Variants in TANGO6 observed in about 807,000 individuals in gnomAD.
TANGO6 encodes transport and Golgi organization protein 6 homolog.
In TANGO6, 90 loss-of-function variants were observed where a neutral mutation model predicts 114.2. The observed-to-expected ratio is 0.79, with a 90% CI of 0.66 to 0.94. The LOEUF (loss-of-function observed/expected upper bound fraction) is 0.94. Ranked by LOEUF, TANGO6 falls within the 40% of genes least tolerant of loss-of-function variation. The pLI, the probability that TANGO6 is intolerant of heterozygous loss-of-function variation, is 0.00. For synonymous variants in TANGO6, 477 were observed against 509.8 expected, an observed-to-expected ratio of 0.94 and a Z score of 0.87; for missense variants, 1,274 against 1,315.3, an observed-to-expected ratio of 0.97 and a Z score of 0.49.
At chr16:68,913,802 C>G (rs1042944208) in intron 11 of TANGO6, among the ~76,000 whole-genome samples, 1 of 152,000 alleles carries the variant, frequency 6.6e-6, no homozygotes, top group Non-Finnish European at 1.5e-5. Context: ...CAGATAAGCT[C>G]TAAAAATGGA....
At chr16:69,023,531 C>T (rs1170627720) in intron 16 of TANGO6, among the ~76,000 whole-genome samples, 1 of 152,032 alleles carries the variant, frequency 6.6e-6, no homozygotes, top group East Asian at 1.9e-4. Context: ...CTTAACCTAC[C>T]TTAAGCAATA....
chr16:69,008,733 C>G (rs939728255), intron 15 of TANGO6, among the ~76,000 whole-genome samples: 2 of 151,974 alleles, frequency 1.3e-5, no homozygotes, highest in African/African-American at 4.8e-5. Flanking sequence ...ACCTCTGCCT[C>G]CCAGGCTCAA....
At chr16:68,854,994 A>G (rs1486697052) in intron 1 of TANGO6, among the ~76,000 whole-genome samples, 2 of 149,786 alleles carry the variant, frequency 1.3e-5, no homozygotes. Flanking sequence ...TTTGTGGACA[A>G]TTGCCATCTT....
intron 17 of TANGO6, among the ~76,000 whole-genome samples, chr16:69,051,266 C>G (rs537241311): frequency 1.3e-5 from 2 of 152,178 alleles, no homozygotes; most frequent in South Asian, 4.1e-4. Flanking sequence ...TTCGGCTGAG[C>G]ACGGTGGCTC....
At position 68,876,756 on chromosome 16, in the gene TANGO6, C is replaced by T. The variant is rs542854918; in HGVS notation, c.1132-1362C>T. Among the ~76,000 whole-genome samples the T allele has an allele frequency of 8.6e-5, 13 of 152,018 alleles. No individual in the cohort carries two copies. In the South Asian group the frequency reaches 1.9e-3, roughly 22 times the overall value. On this transcript the variant is annotated intron_variant, in intron 5 of 17. Coordinates refer to ENST00000261778, the MANE Select transcript of TANGO6 (RefSeq NM_024562.2). ...GAATCTCTTGAACCTGGGAGGCAGA[C>T]GTTGCAGTGAGCTGAGTTTGCACCA...
chr16:69,029,961 A>G (rs1163222922), intron 16 of TANGO6, among the ~76,000 whole-genome samples: 10 of 151,940 alleles, frequency 6.6e-5, no homozygotes, highest in Admixed American at 1.3e-4. Context: ...TATAAAAATT[A>G]GCTGAGAGTA....
intron 14 of TANGO6, among the ~76,000 whole-genome samples, chr16:68,944,394 G>A (rs2152202975): frequency 6.6e-6 from 1 of 152,256 alleles, no homozygotes; most frequent in South Asian, 2.1e-4. Context: ...GAAGGGAAAA[G>A]GAAAAATTCT....
At chr16:68,855,841 T>G (rs528846140) in intron 1 of TANGO6, among the ~76,000 whole-genome samples, 1 of 150,270 alleles carries the variant, frequency 6.7e-6, no homozygotes, top group South Asian at 2.1e-4. Flanking sequence ...GTTGAGATTG[T>G]GCCACCGCAC....
At chr16:69,033,704 T>C (rs2152232005) in intron 16 of TANGO6, 1 of 152,348 alleles carries the variant, frequency 6.6e-6, no homozygotes, top group South Asian at 2.1e-4. Flanking sequence ...CTGGGGACCC[T>C]AAATGGAAAA....
At chr16:68,943,628 G>C (rs1045893687) in intron 14 of TANGO6, among the ~76,000 whole-genome samples, 1 of 152,056 alleles carries the variant, frequency 6.6e-6, no homozygotes, top group African/African-American at 2.4e-5. Flanking sequence ...GCCTCCCAAA[G>C]TGCTGGGATT....
intron 11 of TANGO6, among the ~76,000 whole-genome samples, chr16:68,913,533 C>T (rs780140613): frequency 6.6e-6 from 1 of 150,808 alleles, no homozygotes; most frequent in African/African-American, 2.4e-5. Context: ...CTCAGCCTCC[C>T]GAGTAGCTAG....
intron 10 of TANGO6, among the ~76,000 whole-genome samples, 189 bp downstream of exon 10, chr16:68,907,764 C>T (rs933918938): frequency 3.3e-5 from 5 of 152,166 alleles, no homozygotes; most frequent in Non-Finnish European, 7.3e-5. Context: ...AACTTCTCTT[C>T]ACTAGTACTC....
At chr16:68,911,454 C>T (rs1461263232) in intron 11 of TANGO6, among the ~76,000 whole-genome samples, 7 of 138,416 alleles carry the variant, frequency 5.1e-5, no homozygotes, top group African/African-American at 1.4e-4. Flanking sequence ...GTGACTCTGT[C>T]GGCCCAGGCT....
intron 12 of TANGO6, among the ~76,000 whole-genome samples, chr16:68,921,607 CT>C (rs1167059062): frequency 4.5e-3 from 260 of 57,912 alleles, no homozygotes; most frequent in African/African-American, 0.014. Context: ...TGAGAGTGTG[CT>C]TTTTTTTTTT....
chr16:68,914,558 G>T (rs1962972406), intron 11 of TANGO6, among the ~76,000 whole-genome samples: 1 of 152,144 alleles, frequency 6.6e-6, no homozygotes, highest in Non-Finnish European at 1.5e-5. Context: ...ATGATGTCGG[G>T]CACTGCTATT....
chr16:68,903,687 C>T (rs1358385823), intron 9 of TANGO6, among the ~76,000 whole-genome samples: 12 of 146,818 alleles, frequency 8.2e-5, no homozygotes, highest in African/African-American at 2.5e-4. Flanking sequence ...TTTGGGAGGC[C>T]GAGGTGGGTA....
intron 15 of TANGO6, among the ~76,000 whole-genome samples, chr16:68,998,401 G>C (rs1405522380): frequency 1.3e-5 from 2 of 152,116 alleles, no homozygotes; most frequent in Non-Finnish European, 1.5e-5. Context: ...TCTCTCTCCA[G>C]TCTCCATTTT....
chr16:69,032,755 G>C (rs538989024), intron 16 of TANGO6, among the ~76,000 whole-genome samples: 6 of 152,030 alleles, frequency 3.9e-5, no homozygotes, highest in Admixed American at 6.6e-5. Flanking sequence ...GCAGGCGCCT[G>C]TAATCCCCAC....
At chr16:68,863,796 T>C (rs1567526536) in intron 3 of TANGO6, among the ~76,000 whole-genome samples, 1 of 152,230 alleles carries the variant, frequency 6.6e-6, no homozygotes, top group Non-Finnish European at 1.5e-5. Context: ...ATATTATTGG[T>C]TCTATTCTTA....
Sources: gnomAD v4.1 joint callset for allele counts (sites outside exome capture counted in the v4.1 genomes callset) on GRCh38, gnomAD v4.1.1 for gene constraint, MANE v1.5 for transcripts, NCBI Gene and HGNC (gene_info 2026-07-23, HGNC 2026-07-21) for gene names.